Variants in ACAT2 observed in about 807,000 individuals in gnomAD.
ACAT2 encodes acetyl-CoA acetyltransferase, cytosolic.
In ACAT2, 26 loss-of-function variants were observed where a neutral mutation model predicts 37.1. The ratio of observed to expected loss-of-function variants is 0.70; its 90% CI spans 0.51 to 0.97. The LOEUF (loss-of-function observed/expected upper bound fraction) is 0.97, where lower values mean the gene tolerates loss of function less well. ACAT2 is among the 50% of genes least tolerant of loss of function. ACAT2 has a pLI of 0.00. For missense variants in ACAT2, 468 were observed against 489.0 expected (o/e 0.96, Z 0.40); for synonymous variants, 156 against 163.6 (o/e 0.95, Z 0.35).
intron 2 of ACAT2, among the ~76,000 whole-genome samples, chr6:159,763,623 CTTTTCCTTTTTTT>C (rs1780197402): frequency 1.0e-5 from 1 of 96,662 alleles, no homozygotes; most frequent in African/African-American, 4.1e-5. Context: ...ACTGCCTTTT[CTTTTCCTTTTTTT>C]TTTTTTTTTT....
At chr6:159,765,352 G>A (rs1021641046) in intron 2 of ACAT2, among the ~76,000 whole-genome samples, 13 of 152,044 alleles carry the variant, frequency 8.6e-5, no homozygotes, top group African/African-American at 3.1e-4. Context: ...CTGACCTCAA[G>A]TTATCCACCC....
At chr6:159,778,359 G>A (rs1217563212) in intron 8 of ACAT2, 79 bp downstream of exon 8, 2 of 958,480 alleles carry the variant, frequency 2.1e-6, no homozygotes, top group Non-Finnish European at 3.0e-6. Context: ...TCTAGGTGTT[G>A]GCCATGTGGG....
At chr6:159,764,812 A>C (rs1780228444) in intron 2 of ACAT2, among the ~76,000 whole-genome samples, 1 of 152,142 alleles carries the variant, frequency 6.6e-6, no homozygotes, top group Admixed American at 6.5e-5. Context: ...AATCTTCCTC[A>C]CAAGTCTGTT....
At chr6:159,769,997 G>C (rs1204490706) in intron 4 of ACAT2, among the ~76,000 whole-genome samples, 1 of 152,214 alleles carries the variant, frequency 6.6e-6, no homozygotes, top group Non-Finnish European at 1.5e-5. Flanking sequence ...GGACAAGCGA[G>C]TGGAAACCTT....
chr6:159,776,663 A>G (rs1314525355), intron 6 of ACAT2, among the ~76,000 whole-genome samples: 1 of 152,268 alleles, frequency 6.6e-6, no homozygotes, highest in East Asian at 1.9e-4. Context: ...GAAGAAGTAA[A>G]TTAGGGAACT....
intron 6 of ACAT2, among the ~76,000 whole-genome samples, 169 bp from the exon 7 acceptor site, chr6:159,777,133 G>T (rs1004695371): frequency 1.5e-4 from 23 of 152,160 alleles, no homozygotes; most frequent in Non-Finnish European, 2.5e-4. Flanking sequence ...AAGTTTTGTG[G>T]TCAATATATT....
intron 2 of ACAT2, 101 bp downstream of exon 2, chr6:159,763,154 A>C: frequency 1.4e-6 from 2 of 1,458,984 alleles, no homozygotes; most frequent in Non-Finnish European, 9.1e-7. Context: ...TCTCTCACTC[A>C]CTCAAGTTCT....
intron 2 of ACAT2, among the ~76,000 whole-genome samples, chr6:159,765,643 G>T (rs1780242904): frequency 7.0e-6 from 1 of 143,602 alleles, no homozygotes; most frequent in Non-Finnish European, 1.5e-5. Context: ...TATTGTCCAG[G>T]CTGGTCTCAA....
intron 4 of ACAT2, among the ~76,000 whole-genome samples, chr6:159,773,640 T>C (rs895638957): frequency 2.6e-5 from 4 of 152,198 alleles, no homozygotes; most frequent in African/African-American, 7.2e-5. Flanking sequence ...ATGATAGTAA[T>C]GGGTTGTAAC....
At position 159,778,869 on chromosome 6, in the gene ACAT2, TAATAAAGTAC is replaced by T; in HGVS notation, c.*41_*50del. 6.2e-7 allele frequency: 1 copy of T among 1,612,572 alleles called. No individual in the cohort carries two copies. The highest frequency in any genetic ancestry group is 8.5e-7 in the Non-Finnish European group (1 of 1,178,842). On this transcript the variant is annotated 3_prime_UTR_variant, in exon 9 of 9. Coordinates refer to ENST00000367048, the MANE Select transcript of ACAT2 (RefSeq NM_005891.3). ...GAACAACCTCAATTTCTTTTTAAAC[TAATAAAGTAC>T]TAGGTTGCAATATGTGAAATCAGAG...
At chr6:159,775,058 G>A (rs1780391539) in intron 4 of ACAT2, 112 bp from the exon 5 acceptor site, 3 of 1,255,448 alleles carry the variant, frequency 2.4e-6, no homozygotes, top group Non-Finnish European at 3.3e-6. Context: ...AGGCCACCAT[G>A]AGCCTGCTAG....
At chr6:159,775,839 C>G in intron 5 of ACAT2, 1 of 281,332 alleles carries the variant, frequency 3.6e-6, no homozygotes, top group South Asian at 4.5e-5. Flanking sequence ...TCCACTCACT[C>G]GTAACCAGCC....
chr6:159,765,588 C>T (rs112230999), intron 2 of ACAT2, among the ~76,000 whole-genome samples: 80 of 151,822 alleles, frequency 5.3e-4, no homozygotes, highest in Admixed American at 2.2e-3. Context: ...CACCACCATG[C>T]CCAGCTAATT....
chr6:159,766,947 C>A lies in ACAT2; in HGVS notation c.191-58C>A. ...ACTGGCAATTTTCCACACACTTTCACTGTGACATTTTGTCTTTCTCCTTGA... is the reference window on the plus strand; with the variant it reads ...ACTGGCAATTTTCCACACACTTTCAATGTGACATTTTGTCTTTCTCCTTGA... On this transcript the variant is annotated intron_variant, in intron 2 of 8. Coordinates refer to ENST00000367048, the MANE Select transcript of ACAT2 (RefSeq NM_005891.3). The A allele has an allele frequency of 3.1e-6, 5 of 1,600,466 alleles. No homozygotes were observed. The South Asian group carries it at 3.3e-5, about 11-fold the overall frequency.
chr6:159,773,894 G>C (rs1780376312), intron 4 of ACAT2, among the ~76,000 whole-genome samples: 1 of 152,210 alleles, frequency 6.6e-6, no homozygotes, highest in Non-Finnish European at 1.5e-5. Flanking sequence ...AGGAATGTTG[G>C]AGTTAGAAAG....
intron 4 of ACAT2, among the ~76,000 whole-genome samples, chr6:159,771,297 T>C (rs552432671): frequency 6.6e-6 from 1 of 152,172 alleles, no homozygotes; most frequent in Admixed American, 6.5e-5. Context: ...GGAGAATCGC[T>C]TGAACCTGGG....
chr6:159,775,208 G>T lies in ACAT2; in HGVS notation c.529G>T (p.Asp177Tyr). ...VAKKWQVSRE[D>Y]QDKVAVLSQN... Reference sequence around the variant, plus strand: ...CAAAAAATGGCAAGTGAGTAGAGAAGATCAGGACAAGGTTGCAGTTCTGTC... The same window carrying T: ...CAAAAAATGGCAAGTGAGTAGAGAATATCAGGACAAGGTTGCAGTTCTGTC... The change falls in exon 5 of 9, where the codon GAT (aspartate) becomes TAT (tyrosine). Residue 177 changes from aspartate to tyrosine, a missense_variant. Coordinates refer to ENST00000367048, the MANE Select transcript of ACAT2 (RefSeq NM_005891.3). The T allele has an allele frequency of 6.2e-7, 1 of 1,614,100 alleles. No homozygotes were observed. Among genetic ancestry groups the T allele is most frequent in the African/African-American group, 1.3e-5 (1 of 75,046 alleles).
At chr6:159,771,462 C>A (rs554319509) in intron 4 of ACAT2, among the ~76,000 whole-genome samples, 19 of 152,030 alleles carry the variant, frequency 1.2e-4, no homozygotes, top group African/African-American at 4.3e-4. Flanking sequence ...GAATAGGAAT[C>A]TCATACATAA....
chr6:159,766,432 G>A (rs570406797), intron 2 of ACAT2, among the ~76,000 whole-genome samples: 9 of 150,034 alleles, frequency 6.0e-5, no homozygotes, highest in East Asian at 2.0e-4. Flanking sequence ...ACGGAGTTTC[G>A]CCCTTGTTGC....
Sources: gnomAD v4.1 joint callset for allele counts (sites outside exome capture counted in the v4.1 genomes callset) on GRCh38, gnomAD v4.1.1 for gene constraint, MANE v1.5 for transcripts, NCBI Gene and HGNC (gene_info 2026-07-23, HGNC 2026-07-21) for gene names.